GRIP2: variants seen among roughly 807,000 people sequenced by gnomAD.
GRIP2 encodes the protein glutamate receptor-interacting protein 2.
GRIP2 carries 58 observed loss-of-function variants against 108.3 expected under a neutral mutation model. The observed-to-expected ratio is 0.54, with a 90% CI of 0.43 to 0.67. The LOEUF is 0.67. GRIP2 is among the 30% of genes least tolerant of loss of function. The pLI, the probability that GRIP2 is intolerant of heterozygous loss-of-function variation, is 0.00. For synonymous variants in GRIP2, 586 were observed against 598.2 expected (o/e 0.98, Z 0.30); for missense variants, 1,278 against 1,430.6 (o/e 0.89, Z 1.72).
At chr3:14,573,465 T>C in the GRIP2 span, 1 of 1,535,312 alleles carries the variant, frequency 6.5e-7, no homozygotes, top group East Asian at 2.3e-5. Context: ...GTAGAACTGG[T>C]CAGGCACCTC....
Position 14,521,949 on chromosome 3 carries a change from G to A in GRIP2, c.567-162C>T, listed in dbSNP as rs565540044. ...GTGAAGGGGCGCATGAGTGAGTGAA[G>A]GAATGAGCCACTCCAGGAGTGGGGA... On this transcript the variant is annotated intron_variant, in intron 6 of 23. Coordinates refer to ENST00000621039, the MANE Select transcript of GRIP2 (RefSeq NM_001080423.4). The surrounding 1 kb of genome is among the most constrained non-coding windows in gnomAD (Gnocchi z 5.1). The A allele has an allele frequency of 6.7e-5, 42 of 631,008 alleles. No homozygotes were observed. In the East Asian group the frequency reaches 1.3e-3, roughly 19 times the overall value. The allele number at this position is 631,008 out of a possible 1,614,324, so 39.1% of individuals were successfully genotyped here. A position where few individuals can be genotyped will look rare whatever the true frequency, so the allele number is the denominator to read the frequency against.
At chr3:14,588,321 T>G in the GRIP2 span, among the ~76,000 whole-genome samples, 1 of 152,198 alleles carries the variant, frequency 6.6e-6, no homozygotes, top group African/African-American at 2.4e-5. Flanking sequence ...TCTGACTCCT[T>G]GGGTGTGAGG....
the GRIP2 span, among the ~76,000 whole-genome samples, chr3:14,569,089 G>A: frequency 1.3e-5 from 2 of 152,214 alleles, no homozygotes; most frequent in African/African-American, 2.4e-5. Context: ...AGGGGTTGCA[G>A]TGCCAGCCTT....
chr3:14,526,572 G>A (rs570670145), intron 1 of GRIP2, among the ~76,000 whole-genome samples: 7 of 152,262 alleles, frequency 4.6e-5, no homozygotes, highest in Admixed American at 1.3e-4. Flanking sequence ...TCGAGAAAGC[G>A]CTCCCTTGTG....
At chr3:14,599,230 T>C in the GRIP2 span, among the ~76,000 whole-genome samples, 5 of 152,228 alleles carry the variant, frequency 3.3e-5, no homozygotes, top group Admixed American at 6.5e-5. Flanking sequence ...TGCATCTATG[T>C]TTCCCCCATC....
the GRIP2 span, among the ~76,000 whole-genome samples, chr3:14,598,794 G>T: frequency 9.9e-5 from 15 of 151,778 alleles, no homozygotes; most frequent in Non-Finnish European, 2.2e-4. Flanking sequence ...CCTCCAACAG[G>T]TCAAACTGTC....
Position 14,522,855 on chromosome 3 carries a change from C to T in GRIP2, c.566+145G>A. ...TACATCCCGGTTCCATCAACAACTC[C>T]CTGAATGACACCGGGCAGGGAGTGT... On this transcript the variant is annotated intron_variant, in intron 6 of 23. Coordinates refer to ENST00000621039, the MANE Select transcript of GRIP2 (RefSeq NM_001080423.4). This position sits in a 1 kb window ranked among gnomAD's most constrained non-coding sequence, Gnocchi z 4.3. The T allele has an allele frequency of 1.5e-6, 1 of 686,226 alleles. No individual in the cohort carries two copies. Among genetic ancestry groups the T allele is most frequent in the African/African-American group, 1.8e-5 (1 of 55,882 alleles). 42.5% of individuals were successfully genotyped at this position (686,226 alleles called of 1,614,324 possible). A position where few individuals can be genotyped will look rare whatever the true frequency, so the allele number is the denominator to read the frequency against.
At chr3:14,574,987 C>T in the GRIP2 span, among the ~76,000 whole-genome samples, 2 of 152,082 alleles carry the variant, frequency 1.3e-5, no homozygotes, top group Admixed American at 6.5e-5. Flanking sequence ...GGTGATAACA[C>T]CATAAAGAAC....
the GRIP2 span, among the ~76,000 whole-genome samples, chr3:14,578,719 A>G: frequency 1.5e-5 from 2 of 130,324 alleles, no homozygotes; most frequent in South Asian, 2.2e-4. Flanking sequence ...TCCATCTCAG[A>G]AAAAAAAAAA....
chr3:14,523,054 T>G lies in GRIP2; in HGVS notation c.512A>C (p.His171Pro). Residue 171 changes from histidine to proline, a missense_variant, in exon 6 of 24, where the codon CAC (histidine) becomes CCC (proline). Physicochemically the swap from His to Pro is moderately conservative, Grantham distance 77. Transcript: ENST00000621039. Reference sequence around the variant, plus strand: ...GGTCAGGACAAGCGGGCGGGACTTGTGCCCATCTTCATGGGCACCTCCTGG... The same window carrying G: ...GGTCAGGACAAGCGGGCGGGACTTGGGCCCATCTTCATGGGCACCTCCTGG... ...VLRGGAHEDG[H>P]KSRPLVLTYV... The G allele has an allele frequency of 6.2e-7, 1 of 1,610,654 alleles. No homozygotes were observed. The highest frequency in any genetic ancestry group is 1.1e-5 in the South Asian group (1 of 90,748).
chr3:14,514,444 C>A lies in GRIP2; in HGVS notation c.1341G>T (p.Gly447=). Residue 447 remains glycine, a synonymous_variant, in exon 12 of 24, where the codon GGG becomes GGT. Transcript: ENST00000621039. ...CCGTGGTCTCCGTGTGCACAATCTGCCCGCCCGGCCCCACCGTGCTGGAGG... is the reference window on the plus strand; with the variant it reads ...CCGTGGTCTCCGTGTGCACAATCTGACCGCCCGGCCCCACCGTGCTGGAGG... ...SLASSTVGPG[G]QIVHTETTEV... 1 of 1,577,094 alleles carries A rather than the reference C, an allele frequency of 6.3e-7. No individual in the cohort carries two copies. The highest frequency in any genetic ancestry group is 8.6e-7 in the Non-Finnish European group (1 of 1,163,012).
the GRIP2 span, among the ~76,000 whole-genome samples, chr3:14,584,933 A>AG: frequency 1.3e-5 from 2 of 152,306 alleles, no homozygotes; most frequent in Non-Finnish European, 2.9e-5. Context: ...ATTTTCCCCA[A>AG]GGGGCCACCT....
the GRIP2 span, among the ~76,000 whole-genome samples, chr3:14,566,367 C>A: frequency 3.4e-4 from 52 of 152,350 alleles, no homozygotes; most frequent in African/African-American, 1.2e-3. Context: ...CACAAGGGCA[C>A]ACAAAATTGA....
chr3:14,530,236 C>T (rs4685185), intron 1 of GRIP2, among the ~76,000 whole-genome samples: 62,652 of 151,912 alleles, frequency 0.41, 14,141 homozygotes, highest in South Asian at 0.61. Flanking sequence ...ATGCCGGGGT[C>T]TCAGTACCAA....
At position 14,512,725 on chromosome 3, in the gene GRIP2, C is replaced by A. The variant is rs1269777666; in HGVS notation, c.1720+52G>T. ...GTCTGAGCTTGGCAAGCTCTTTTTC[C>A]CCAGCAGTTGAGCTCGCTCCCAGGG... On this transcript the variant is annotated intron_variant, in intron 14 of 23. Coordinates refer to ENST00000621039, the MANE Select transcript of GRIP2 (RefSeq NM_001080423.4). This position sits in a 1 kb window ranked among gnomAD's most constrained non-coding sequence, Gnocchi z 5.1. 7 of 1,541,936 alleles carry A rather than the reference C, an allele frequency of 4.5e-6. No homozygotes were observed. Among genetic ancestry groups the A allele is most frequent in the Admixed American group, 3.4e-5 (2 of 58,682 alleles).
chr3:14,591,004 C>A, the GRIP2 span, among the ~76,000 whole-genome samples: 1 of 152,218 alleles, frequency 6.6e-6, no homozygotes, highest in African/African-American at 2.4e-5. Context: ...CTGCCCTCCA[C>A]AATCTGGCCC....
At chr3:14,586,117 C>T in the GRIP2 span, among the ~76,000 whole-genome samples, 2 of 152,194 alleles carry the variant, frequency 1.3e-5, no homozygotes, top group African/African-American at 4.8e-5. Context: ...TCCTGTGGTT[C>T]CCTCTACCTG....
In GRIP2 at chr3:14,521,451, G is replaced by T. The variant is rs1353940296; in HGVS notation, c.712+191C>A. On this transcript the variant is annotated intron_variant, in intron 7 of 23. Transcript: ENST00000621039. The surrounding 1 kb of genome is among the most constrained non-coding windows in gnomAD (Gnocchi z 5.1). Reference sequence around the variant, plus strand: ...TGAGAACAGACACCTCAATTCTGTTGTTCTAGGCTGGATCCCCAGCACATC... The same window carrying T: ...TGAGAACAGACACCTCAATTCTGTTTTTCTAGGCTGGATCCCCAGCACATC... 18 of 605,486 alleles carry T rather than the reference G, an allele frequency of 3.0e-5. No homozygotes were observed. Among genetic ancestry groups the T allele is most frequent in the Non-Finnish European group, 4.8e-5 (17 of 355,204 alleles). 37.5% of individuals were successfully genotyped at this position (605,486 alleles called of 1,614,324 possible).
chr3:14,564,934 T>G, the GRIP2 span, among the ~76,000 whole-genome samples: 1 of 152,066 alleles, frequency 6.6e-6, no homozygotes, highest in Admixed American at 6.5e-5. Context: ...CAGACGCGCC[T>G]CTTGCTCAGC....
Sources: allele counts gnomAD v4.1 joint callset (sites outside exome capture counted in the v4.1 genomes callset), GRCh38; gene constraint gnomAD v4.1.1; non-coding constraint Gnocchi (gnomAD v3.1); transcripts MANE v1.5; gene names NCBI Gene and HGNC (gene_info 2026-07-23, HGNC 2026-07-21).